The following FPR3 variants were observed in gnomAD, a reference collection of about 807,000 sequenced individuals.
FPR3 encodes formyl peptide receptor 3, also known as N-formyl peptide receptor 3.
For missense variants in FPR3, 346 were observed against 443.2 expected, an observed-to-expected ratio of 0.78 and a Z score of 1.97; for synonymous variants, 135 against 163.6, an observed-to-expected ratio of 0.83 and a Z score of 1.34.
intron 1 of FPR3, among the ~76,000 whole-genome samples, chr19:51,808,914 T>C (rs1019959126): frequency 3.9e-5 from 6 of 152,330 alleles, no homozygotes; most frequent in Admixed American, 1.3e-4. Flanking sequence ...ATAGGGGCCA[T>C]TGATCCACCC....
rs138223015 is a variant in FPR3 at position 51,800,360 on chromosome 19, CAG to C, written c.-11+5032_-11+5033del. The stretch of plus-strand genomic sequence containing the variant: ...GAGATTAAAGAAAGACACACAAAGA[CAG>C]AGTGTCTCAACAGCAAATGCAGGCA... On this transcript the variant is annotated intron_variant, in intron 1 of 1. Transcript: ENST00000339223. Among the ~76,000 whole-genome samples, 1,063 of 152,320 alleles carry C rather than the reference CAG, an allele frequency of 7.0e-3. 12 individuals are homozygous for C. The highest frequency in any genetic ancestry group is 0.024 in the African/African-American group (1,018 of 41,570).
chr19:51,802,446 G>A (rs939155224), intron 1 of FPR3, among the ~76,000 whole-genome samples: 1 of 152,134 alleles, frequency 6.6e-6, no homozygotes, highest in African/African-American at 2.4e-5. Context: ...AGCCATTCAA[G>A]GATGAGTGGA....
At chr19:51,809,551 A>G (rs1254756566) in intron 1 of FPR3, among the ~76,000 whole-genome samples, 1 of 152,220 alleles carries the variant, frequency 6.6e-6, no homozygotes, top group Non-Finnish European at 1.5e-5. Flanking sequence ...GGAATAAGCA[A>G]TAATTGAGCA....
chr19:51,803,896 T>G (rs1190236770), intron 1 of FPR3: 1 of 152,240 alleles, frequency 6.6e-6, no homozygotes, highest in East Asian at 1.9e-4. Context: ...TTCCCAATTC[T>G]CATTGCATCG....
In FPR3 at chr19:51,824,246, A is replaced by G. The variant is rs748382050; in HGVS notation, c.498A>G (p.Thr166=). Reference sequence around the variant, plus strand: ...TACCAAATTTCATCTTCTGGACTACAATAAGTACTACGAATGGGGACACAT... The same window carrying G: ...TACCAAATTTCATCTTCTGGACTACGATAAGTACTACGAATGGGGACACAT... The part of the protein sequence containing the change: ...LTLPNFIFWT[T]ISTTNGDTYC... Residue 166 remains threonine (T), a synonymous_variant, in exon 2 of 2, where the codon ACA becomes ACG. Coordinates refer to ENST00000339223, the MANE Select transcript of FPR3 (RefSeq NM_002030.5). This position sits in a 1 kb window ranked among gnomAD's most constrained non-coding sequence, Gnocchi z 4.7. 1.1e-5 allele frequency: 18 copies of G among 1,614,028 alleles called. No individual in the cohort carries two copies. Among genetic ancestry groups the G allele is most frequent in the Non-Finnish European group, 1.5e-5 (18 of 1,180,010 alleles).
At chr19:51,795,504 CTTT>C (rs58620565) in intron 1 of FPR3, among the ~76,000 whole-genome samples, 173 bp downstream of exon 1, 12,597 of 74,758 alleles carry the variant, frequency 0.17, 1,567 homozygotes, top group East Asian at 0.38. Context: ...CAGTAACATT[CTTT>C]TTTTTTTTTT....
At chr19:51,795,504 C>CTTTTTTTTTTTTTTTTTTTTTTTTTT (rs58620565) in intron 1 of FPR3, among the ~76,000 whole-genome samples, 173 bp downstream of exon 1, 6 of 74,732 alleles carry the variant, frequency 8.0e-5, no homozygotes, top group East Asian at 5.5e-4. Context: ...CAGTAACATT[C>CTTTTTTTTTTTTTTTTTTTTTTTTTT]TTTTTTTTTT....
chr19:51,824,789 G>C lies in FPR3; in HGVS notation c.1041G>C (p.Glu347Asp). The C allele has an allele frequency of 6.2e-7, 1 of 1,612,440 alleles. No individual in the cohort carries two copies. The highest frequency in any genetic ancestry group is 1.3e-5 in the African/African-American group (1 of 74,984). The stretch of plus-strand genomic sequence containing the variant: ...CCACTTCTGCTTCACCTCCTGAGGA[G>C]ACGGAGTTACAAGCAATGTGAGGTC... ...TDTTSASPPE[E>D]TELQAM The change falls in exon 2 of 2, where the codon GAG (glutamate) becomes GAC (aspartate). Residue 347 changes from glutamate (E) to aspartate (D), a missense_variant. Physicochemically the swap from Glu to Asp is conservative, Grantham distance 45. Coordinates refer to ENST00000339223, the MANE Select transcript of FPR3 (RefSeq NM_002030.5). The surrounding 1 kb of genome is among the most constrained non-coding windows in gnomAD (Gnocchi z 4.7).
At chr19:51,813,159 CA>C (rs2084110051) in intron 1 of FPR3, among the ~76,000 whole-genome samples, 3 of 150,158 alleles carry the variant, frequency 2.0e-5, no homozygotes, top group Non-Finnish European at 4.4e-5. Flanking sequence ...CACACACACA[CA>C]CCCCATAAAT....
chr19:51,824,401 C>T lies in FPR3; in HGVS notation c.653C>T (p.Thr218Ile). ...IGFSVPMSII[T>I]VCYGIIAAKI... Reference sequence around the variant, plus strand: ...TTCAGCGTGCCTATGTCCATCATCACAGTCTGCTATGGGATCATCGCTGCC... The same window carrying T: ...TTCAGCGTGCCTATGTCCATCATCATAGTCTGCTATGGGATCATCGCTGCC... The change falls in exon 2 of 2, where the codon ACA becomes ATA. Residue 218 changes from threonine to isoleucine, a missense_variant. By Grantham distance (89) the Thr-to-Ile change is moderately conservative. Transcript: ENST00000339223. The surrounding 1 kb of genome is among the most constrained non-coding windows in gnomAD (Gnocchi z 4.7). 7 of 1,614,154 alleles carry T rather than the reference C, an allele frequency of 4.3e-6. 1 individual carries two copies. In the South Asian group the frequency reaches 5.5e-5, roughly 13 times the overall value.
intron 1 of FPR3, among the ~76,000 whole-genome samples, chr19:51,816,231 T>C (rs1028389140): frequency 6.6e-6 from 1 of 152,222 alleles, no homozygotes; most frequent in Admixed American, 6.5e-5. Flanking sequence ...CTATTTTGAC[T>C]GTTTTTGAGC....
At chr19:51,814,864 C>T (rs1299084085) in intron 1 of FPR3, among the ~76,000 whole-genome samples, 2 of 152,024 alleles carry the variant, frequency 1.3e-5, no homozygotes, top group Non-Finnish European at 2.9e-5. Flanking sequence ...GGCTGGAGTG[C>T]AGTGGCGCCA....
chr19:51,795,504 C>CCTTTTTTT (rs1568425575), intron 1 of FPR3, among the ~76,000 whole-genome samples, 173 bp downstream of exon 1: 3 of 74,732 alleles, frequency 4.0e-5, no homozygotes, highest in African/African-American at 6.2e-5. Flanking sequence ...CAGTAACATT[C>CCTTTTTTT]TTTTTTTTTT....
chr19:51,823,313 G>A (rs1340313260), intron 1 of FPR3, among the ~76,000 whole-genome samples: 1 of 152,202 alleles, frequency 6.6e-6, no homozygotes, highest in East Asian at 1.9e-4. Context: ...CTGGGAGACT[G>A]GGAGAGCATG....
At chr19:51,812,868 C>A (rs111494005) in intron 1 of FPR3, among the ~76,000 whole-genome samples, 1,594 of 152,220 alleles carry the variant, frequency 0.01, 13 homozygotes, top group Non-Finnish European at 0.014. Flanking sequence ...TGCCTGTAAT[C>A]TCAGCATTTT....
chr19:51,806,556 G>A (rs573279114), intron 1 of FPR3, among the ~76,000 whole-genome samples: 73 of 152,274 alleles, frequency 4.8e-4, no homozygotes, highest in African/African-American at 1.6e-3. Context: ...TTCAACATTC[G>A]TTGTAATGTT....
chr19:51,798,995 T>C lies in FPR3; in HGVS notation c.-11+3664T>C, dbSNP rs189321118. On this transcript the variant is annotated intron_variant, in intron 1 of 1. Transcript: ENST00000339223. ...GCCGGGCGTGGTGGTGGTGCCCAGC[T>C]ACTGGGGAGGCTGAGGCAGAAGAAT... 9.7e-3 allele frequency among the ~76,000 whole-genome samples: 1,471 copies of C among 152,140 alleles called. 17 individuals carry two copies. The highest frequency in any genetic ancestry group is 0.018 in the Admixed American group (281 of 15,282).
At chr19:51,805,861 T>C (rs909391261) in intron 1 of FPR3, among the ~76,000 whole-genome samples, 2 of 152,154 alleles carry the variant, frequency 1.3e-5, no homozygotes, top group Admixed American at 6.5e-5. Context: ...AGAAGAAGTT[T>C]CACAAAATGC....
intron 1 of FPR3, among the ~76,000 whole-genome samples, chr19:51,795,617 G>A (rs924887911): frequency 5.7e-5 from 8 of 140,444 alleles, no homozygotes; most frequent in Middle Eastern, 4.0e-3. Flanking sequence ...AGGTTCAAGC[G>A]ATTCTCCTGC....
Sources: allele counts gnomAD v4.1 joint callset (sites outside exome capture counted in the v4.1 genomes callset), GRCh38; gene constraint gnomAD v4.1.1; non-coding constraint Gnocchi (gnomAD v3.1); transcripts MANE v1.5; gene names NCBI Gene and HGNC (gene_info 2026-07-23, HGNC 2026-07-21).